The following BCOR variants were observed in gnomAD, a reference collection of about 807,000 sequenced individuals.
The protein encoded by BCOR is BCL6 corepressor.
BCOR carries 10 observed loss-of-function variants against 86.7 expected under a neutral mutation model. The observed-to-expected ratio is 0.12, with a 90% confidence interval of 0.07 to 0.20. The LOEUF (loss-of-function observed/expected upper bound fraction) is 0.20. BCOR is among the 10% of genes least tolerant of loss of function. BCOR has a pLI of 1.00. For synonymous variants in BCOR, 611 were observed against 609.0 expected (o/e 1.00, Z -0.05); for missense variants, 1,259 against 1,452.1 (o/e 0.87, Z 2.16).
At chrX:40,142,115 G>A (rs1318993015) in intron 1 of BCOR, among the ~76,000 whole-genome samples, 11 of 112,362 alleles carry the variant, frequency 9.8e-5, no homozygotes, top group Admixed American at 9.4e-4. Flanking sequence ...ATAGTGCTTT[G>A]CACACAGCAA....
At chrX:40,078,995 TG>T (rs1935950593) in intron 1 of BCOR, among the ~76,000 whole-genome samples, 1 of 112,010 alleles carries the variant, frequency 8.9e-6, no homozygotes, top group Non-Finnish European at 1.9e-5. Context: ...TTCTTTTGAC[TG>T]CGCTTCAGCC....
At chrX:40,061,503 C>T (rs906547038) in intron 10 of BCOR, among the ~76,000 whole-genome samples, 1 of 111,330 alleles carries the variant, frequency 9.0e-6, no homozygotes, top group African/African-American at 3.3e-5. Context: ...TTAGGGGCTC[C>T]GTCAACGTAA....
chrX:40,099,224 G>T (rs1367766904), upstream of BCOR, among the ~76,000 whole-genome samples: 1 of 112,185 alleles, frequency 8.9e-6, no homozygotes, highest in Non-Finnish European at 1.9e-5. Flanking sequence ...GGGAGGGCGG[G>T]GGCAGGCGGG....
chrX:40,063,131 G>A (rs960199081), intron 8 of BCOR, 60 bp from the exon 9 acceptor site: 8 of 903,673 alleles, frequency 8.9e-6, no homozygotes, highest in African/African-American at 2.0e-5. Context: ...AGAAGCGGGC[G>A]TTACACAGTT....
At position 40,075,041 on chromosome X, in the gene BCOR, C is replaced by G. The variant is rs587778099; in HGVS notation, c.305G>C (p.Arg102Pro). Reference sequence around the variant, plus strand: ...ACCTAGAGTGCTTGTGGCAGCCTCCCGACCTTTCTCTGAGCCCAGTCCACA... The same window carrying G: ...ACCTAGAGTGCTTGTGGCAGCCTCCGGACCTTTCTCTGAGCCCAGTCCACA... ...SLCGLGSEKG[R>P]EAATSTLGGL... is the part of the protein sequence containing the mutation. Residue 102 changes from arginine to proline, a missense_variant, in exon 4 of 15, where the codon CGG (arginine) becomes CCG (proline). Physicochemically the swap from Arg to Pro is moderately radical, Grantham distance 103. This residue lies in a region of BCOR where 174 missense variants were observed against 189.3 expected (regional missense o/e 0.92). Coordinates refer to ENST00000378444, the MANE Select transcript of BCOR (RefSeq NM_001123385.2). 1 of 1,202,861 alleles carries G rather than the reference C, an allele frequency of 8.3e-7. No homozygotes were observed. The highest frequency in any genetic ancestry group is 1.8e-5 in the African/African-American group (1 of 56,611).
At chrX:40,084,820 G>A (rs1053438507) in intron 1 of BCOR, among the ~76,000 whole-genome samples, 1 of 111,137 alleles carries the variant, frequency 9.0e-6, no homozygotes, top group African/African-American at 3.3e-5. Flanking sequence ...TAAAAGATGT[G>A]TAAAATGCAG....
chrX:40,161,981 C>A (rs1938433162), intron 1 of BCOR, among the ~76,000 whole-genome samples: 1 of 111,823 alleles, frequency 8.9e-6, no homozygotes, highest in Non-Finnish European at 1.9e-5. Flanking sequence ...CACTCCTGTC[C>A]TTCTCCCACC....
At chrX:40,065,795 A>G (rs1306356340) in intron 6 of BCOR, among the ~76,000 whole-genome samples, 1 of 111,034 alleles carries the variant, frequency 9.0e-6, no homozygotes, top group African/African-American at 3.3e-5. Flanking sequence ...GCTGAGGCAC[A>G]CAAGTCAATT....
At chrX:40,142,340 A>T (rs372120773) in intron 1 of BCOR, among the ~76,000 whole-genome samples, 2 of 112,395 alleles carry the variant, frequency 1.8e-5, no homozygotes, top group Admixed American at 1.9e-4. Context: ...ACAGAGCTCA[A>T]TTAAAGCCCT....
At chrX:40,076,346 G>A in intron 3 of BCOR, 108 bp downstream of exon 3, 1 of 630,640 alleles carries the variant, frequency 1.6e-6, no homozygotes. Context: ...GCTCTGAACT[G>A]CCACCCCTCC....
chrX:40,081,507 A>C (rs1936107538), intron 1 of BCOR, among the ~76,000 whole-genome samples: 1 of 112,384 alleles, frequency 8.9e-6, no homozygotes, highest in Non-Finnish European at 1.9e-5. Flanking sequence ...CACTGTGGAG[A>C]GGGCAAATGA....
chrX:40,123,217 A>G (rs745515345), intron 1 of BCOR, among the ~76,000 whole-genome samples: 92 of 111,304 alleles, frequency 8.3e-4, no homozygotes, highest in African/African-American at 2.8e-3. Context: ...GAGATACCAT[A>G]TTCGGCTTGC....
chrX:40,137,089 A>T (rs989742586), intron 1 of BCOR, among the ~76,000 whole-genome samples: 1 of 112,511 alleles, frequency 8.9e-6, no homozygotes, highest in Non-Finnish European at 1.9e-5. Flanking sequence ...AAAGGGACTT[A>T]TGTGGCTTCC....
chrX:40,150,520 A>G (rs1189879921), intron 1 of BCOR, among the ~76,000 whole-genome samples: 2 of 112,279 alleles, frequency 1.8e-5, no homozygotes, highest in Admixed American at 1.9e-4. Context: ...GAAGCGGAGG[A>G]AAGAGGTGGA....
chrX:40,069,657 T>G (rs370388999), intron 6 of BCOR, among the ~76,000 whole-genome samples: 1 of 112,358 alleles, frequency 8.9e-6, no homozygotes, highest in African/African-American at 3.2e-5. Context: ...CTTGCCCACT[T>G]CTCCCAGGTC....
rs779765447 is a variant in BCOR at position 40,115,499 on chromosome X, G to C, written c.-40-37530C>G. On this transcript the variant is annotated intron_variant, in intron 1 of 14. Transcript: ENST00000342274. The stretch of plus-strand genomic sequence containing the variant: ...CTTGAAAAAGTGTGGGGCCGGCCTG[G>C]GCTCGGTGGCTCACGCCTGTAATCC... Among the ~76,000 whole-genome samples, 5 of 108,117 alleles carry C rather than the reference G, an allele frequency of 4.6e-5. No individual in the cohort carries two copies. In the South Asian group the frequency reaches 2.1e-3, roughly 45 times the overall value. The allele number at this position is 108,117 out of a possible 115,157, so 93.9% of individuals were successfully genotyped here.
At chrX:40,113,178 C>CTTATTTATTTAT (rs57583546) in intron 1 of BCOR, among the ~76,000 whole-genome samples, 8 of 101,569 alleles carry the variant, frequency 7.9e-5, no homozygotes, top group African/African-American at 3.1e-4. Context: ...CTAGAAAGAT[C>CTTATTTATTTAT]TTATTTATTT....
intron 6 of BCOR, among the ~76,000 whole-genome samples, chrX:40,065,794 C>A (rs182364657): frequency 9.0e-6 from 1 of 111,198 alleles, no homozygotes; most frequent in Admixed American, 9.5e-5. Flanking sequence ...AGCTGAGGCA[C>A]ACAAGTCAAT....
At chrX:40,141,606 C>G (rs1415143357) in intron 1 of BCOR, among the ~76,000 whole-genome samples, 2 of 111,476 alleles carry the variant, frequency 1.8e-5, no homozygotes, top group Non-Finnish European at 3.8e-5. Context: ...CCAGCTCCCC[C>G]AGAGAGCCTA....
Sources: allele counts gnomAD v4.1 joint callset (sites outside exome capture counted in the v4.1 genomes callset), GRCh38; gene constraint gnomAD v4.1.1; regional missense constraint gnomAD v4.1.1; transcripts MANE v1.5; gene names NCBI Gene and HGNC (gene_info 2026-07-23, HGNC 2026-07-21).